The following BRINP3 variants were observed in gnomAD, a reference collection of about 807,000 sequenced individuals.
BRINP3 encodes BMP/retinoic acid inducible neural specific 3, also known as BMP/retinoic acid-inducible neural-specific protein 3.
Under a neutral mutation model 71.0 loss-of-function variants are expected in BRINP3, and 19 were observed. That is an observed-to-expected ratio of 0.27 (90% CI 0.19 to 0.39). The LOEUF (loss-of-function observed/expected upper bound fraction) is 0.39. BRINP3 is among the 10% of genes least tolerant of loss of function. The pLI is 1.00. For synonymous variants in BRINP3, 380 were observed against 337.7 expected (o/e 1.13, Z -1.37); for missense variants, 959 against 940.8 (o/e 1.02, Z -0.25).
At chr1:190,428,709 T>C (rs1478608305) in intron 2 of BRINP3, among the ~76,000 whole-genome samples, 2 of 152,110 alleles carry the variant, frequency 1.3e-5, no homozygotes, top group Non-Finnish European at 2.9e-5. Flanking sequence ...AGATGATACA[T>C]ATCCTACTTA....
chr1:190,394,134 C>A (rs1307355378), intron 2 of BRINP3, among the ~76,000 whole-genome samples: 1 of 151,332 alleles, frequency 6.6e-6, no homozygotes, highest in Admixed American at 6.6e-5. Flanking sequence ...TAGTATGGAG[C>A]TTGATTCAAA....
chr1:190,418,647 A>T (rs1673161856), intron 2 of BRINP3, among the ~76,000 whole-genome samples: 1 of 152,112 alleles, frequency 6.6e-6, no homozygotes, highest in Non-Finnish European at 1.5e-5. Context: ...TTAGATATAT[A>T]TTTTTTATGT....
chr1:190,460,597 G>A (rs1001220017), intron 1 of BRINP3, among the ~76,000 whole-genome samples: 3 of 152,126 alleles, frequency 2.0e-5, no homozygotes, highest in Admixed American at 6.5e-5. Flanking sequence ...TTGAGACAGA[G>A]GTGGGCCTTA....
At chr1:190,278,906 T>A (rs754115062) in intron 3 of BRINP3, among the ~76,000 whole-genome samples, 2 of 150,456 alleles carry the variant, frequency 1.3e-5, no homozygotes, top group Non-Finnish European at 3.0e-5. Flanking sequence ...AAGGCCAAAA[T>A]GTGGCATCCA....
At chr1:190,349,458 A>G (rs1223894816) in intron 2 of BRINP3, among the ~76,000 whole-genome samples, 2 of 152,120 alleles carry the variant, frequency 1.3e-5, no homozygotes, top group African/African-American at 4.8e-5. Flanking sequence ...AGAGTTCTAA[A>G]AAAGTTAAAA....
At position 190,259,612 on chromosome 1, in the gene BRINP3, C is replaced by T. The variant is rs567550979; in HGVS notation, c.618+5253G>A. Among the ~76,000 whole-genome samples, 6 of 115,988 alleles carry T rather than the reference C, an allele frequency of 5.2e-5. No individual in the cohort carries two copies. The South Asian group carries it at 8.7e-4, about 17-fold the overall frequency. The allele number at this position is 115,988 out of a possible 152,430, so 76.1% of individuals were successfully genotyped here. ...CATTCTCACCACCAGGAGAATTAGG[C>T]AAAAAATAAATAAATAAATAAATAA... On this transcript the variant is annotated intron_variant, in intron 4 of 7. Transcript: ENST00000367462.
intron 2 of BRINP3, among the ~76,000 whole-genome samples, chr1:190,408,860 G>T (rs1161678623): frequency 2.0e-5 from 3 of 152,126 alleles, no homozygotes; most frequent in Non-Finnish European, 4.4e-5. Context: ...ATCAATACTG[G>T]GGGAGGCCTG....
At chr1:190,462,814 T>C (rs1676484003) in intron 1 of BRINP3, among the ~76,000 whole-genome samples, 1 of 152,086 alleles carries the variant, frequency 6.6e-6, no homozygotes, top group South Asian at 2.1e-4. Context: ...TGAAAGTTAT[T>C]TCTTAGAATT....
At chr1:190,293,692 G>T (rs1307245087) in intron 2 of BRINP3, among the ~76,000 whole-genome samples, 1 of 152,012 alleles carries the variant, frequency 6.6e-6, no homozygotes, top group African/African-American at 2.4e-5. Context: ...TTACATATTT[G>T]GGTGTTGTGG....
At chr1:190,181,961 G>T (rs1003982011) in intron 6 of BRINP3, among the ~76,000 whole-genome samples, 2 of 151,906 alleles carry the variant, frequency 1.3e-5, no homozygotes, top group Admixed American at 1.3e-4. Flanking sequence ...TTCAATTTCA[G>T]AAGATTTTTG....
chr1:190,417,226 C>T (rs1015675567), intron 2 of BRINP3, among the ~76,000 whole-genome samples: 2 of 151,752 alleles, frequency 1.3e-5, no homozygotes, highest in Admixed American at 6.6e-5. Flanking sequence ...AAATATAAAA[C>T]CTATCTGGCT....
chr1:190,120,055 T>C (rs1653506856), intron 7 of BRINP3, among the ~76,000 whole-genome samples: 1 of 152,258 alleles, frequency 6.6e-6, no homozygotes, highest in Admixed American at 6.5e-5. Flanking sequence ...GCATTGTTTT[T>C]ACTTTTTAAT....
At chr1:190,334,912 A>C (rs1217807267) in intron 2 of BRINP3, among the ~76,000 whole-genome samples, 1 of 151,856 alleles carries the variant, frequency 6.6e-6, no homozygotes, top group African/African-American at 2.4e-5. Flanking sequence ...AGAAGAAAAA[A>C]GCATGAAAGA....
At chr1:190,306,474 G>T (rs904230712) in intron 2 of BRINP3, among the ~76,000 whole-genome samples, 1 of 151,804 alleles carries the variant, frequency 6.6e-6, no homozygotes, top group Non-Finnish European at 1.5e-5. Context: ...ATATTTATTT[G>T]AAATATTAAC....
At chr1:190,281,290 C>T (rs936693076) in intron 3 of BRINP3, among the ~76,000 whole-genome samples, 3 of 151,866 alleles carry the variant, frequency 2.0e-5, no homozygotes, top group Non-Finnish European at 2.9e-5. Context: ...TTCCATATCA[C>T]CTTACAGAGT....
intron 2 of BRINP3, among the ~76,000 whole-genome samples, chr1:190,339,180 A>T (rs1667490860): frequency 6.6e-6 from 1 of 151,980 alleles, no homozygotes; most frequent in Admixed American, 6.6e-5. Flanking sequence ...GCCTCACAAA[A>T]ATAGTTAATC....
rs191468200 is a variant in BRINP3, at chr1:190,265,832, T to C, written c.428-777A>G. 8.1e-4 allele frequency among the ~76,000 whole-genome samples: 123 copies of C among 152,308 alleles called. 1 individual carries two copies. The highest frequency in any genetic ancestry group is 4.3e-3 in the Admixed American group (66 of 15,294). ...AAGCACTAGTTTTCATCTGCACCTT[T>C]AAAATTCAGATAAAGCATGTGTATG... On this transcript the variant is annotated intron_variant, in intron 3 of 7. Transcript: ENST00000367462.
chr1:190,203,947 T>TATTGTAG (rs1458242751), intron 6 of BRINP3, among the ~76,000 whole-genome samples: 2 of 150,728 alleles, frequency 1.3e-5, no homozygotes, highest in Non-Finnish European at 3.0e-5. Context: ...AGACCATATA[T>TATTGTAG]ATTGTAGATT....
At position 190,445,595 on chromosome 1, in the gene BRINP3, A is replaced by ACC. The variant is rs560347695; in HGVS notation, c.236+9058_236+9059dup. Among the ~76,000 whole-genome samples the ACC allele has an allele frequency of 4.0e-3, 598 of 149,472 alleles. 2 individuals carry two copies. Among genetic ancestry groups the ACC allele is most frequent in the Admixed American group, 6.5e-3 (98 of 15,030 alleles). ...TACTCACACACACACACACACACACACCCTCAAGAAAAATGTCAGGGAACC... is the reference window on the plus strand; with the variant it reads ...TACTCACACACACACACACACACACACCCCCTCAAGAAAAATGTCAGGGAACC... On this transcript the variant is annotated intron_variant, in intron 2 of 7. Transcript: ENST00000367462.
Sources: allele counts gnomAD v4.1 joint callset (sites outside exome capture counted in the v4.1 genomes callset), GRCh38; gene constraint gnomAD v4.1.1; transcripts MANE v1.5; gene names NCBI Gene and HGNC (gene_info 2026-07-23, HGNC 2026-07-21).